The following STRN3 variants were observed in gnomAD, a reference collection of about 807,000 sequenced individuals.
STRN3 encodes the protein striatin-3.
A neutral mutation model predicts 95.6 loss-of-function variants in STRN3; 29 were observed. The ratio of observed to expected loss-of-function variants is 0.30; its 90% CI spans 0.23 to 0.41. The LOEUF (loss-of-function observed/expected upper bound fraction) is 0.41. STRN3 is among the 10% of genes least tolerant of loss of function. The pLI is 1.00. For synonymous variants in STRN3, 331 were observed against 357.6 expected (o/e 0.93, Z 0.84); for missense variants, 890 against 972.1 (o/e 0.92, Z 1.12).
At chr14:30,987,582 T>G (rs146176172) in intron 1 of STRN3, among the ~76,000 whole-genome samples, 1 of 152,032 alleles carries the variant, frequency 6.6e-6, no homozygotes, top group Admixed American at 6.6e-5. Context: ...AACCAGGCCA[T>G]GTAGGACCTT....
At chr14:30,947,536 AT>A (rs922933936) in intron 4 of STRN3, among the ~76,000 whole-genome samples, 8 of 152,042 alleles carry the variant, frequency 5.3e-5, no homozygotes, top group African/African-American at 1.9e-4. Context: ...TGCTTTTAGG[AT>A]TATATACACA....
At chr14:30,971,464 T>C (rs1880822377) in intron 1 of STRN3, among the ~76,000 whole-genome samples, 1 of 152,178 alleles carries the variant, frequency 6.6e-6, no homozygotes, top group East Asian at 1.9e-4. Flanking sequence ...GACAAAAATG[T>C]AGATTGGATA....
intron 1 of STRN3, among the ~76,000 whole-genome samples, chr14:31,014,193 G>GT (rs1240843752): frequency 6.6e-6 from 1 of 151,560 alleles, no homozygotes; most frequent in Non-Finnish European, 1.5e-5. Flanking sequence ...GAAGGAGCCT[G>GT]TAAGTGTCCT....
At chr14:31,022,382 CAA>C (rs34715212) in intron 1 of STRN3, among the ~76,000 whole-genome samples, 178 of 130,346 alleles carry the variant, frequency 1.4e-3, no homozygotes, top group Non-Finnish European at 1.3e-3. Context: ...GACTCCATCT[CAA>C]AAAAAAAAAA....
At chr14:30,918,326 G>A (rs1177754441) in intron 9 of STRN3, among the ~76,000 whole-genome samples, 3 of 152,046 alleles carry the variant, frequency 2.0e-5, no homozygotes, top group Non-Finnish European at 4.4e-5. Flanking sequence ...GGCCAACATG[G>A]TAATATTCTG....
rs578090865 is a variant in STRN3, at chr14:30,954,767, G to A, written c.460+853C>T. Reference sequence around the variant, plus strand: ...CAAACTGTTATACTGGGACCACCTAGCCAATTCTGACTCTCCTTAGCCTCT... The same window carrying A: ...CAAACTGTTATACTGGGACCACCTAACCAATTCTGACTCTCCTTAGCCTCT... On this transcript the variant is annotated intron_variant, in intron 3 of 17. Transcript: ENST00000357479. 3.9e-5 allele frequency among the ~76,000 whole-genome samples: 6 copies of A among 152,182 alleles called. No homozygotes were observed. The South Asian group carries it at 6.2e-4, about 16-fold the overall frequency.
chr14:30,963,980 G>A (rs1265691664), intron 1 of STRN3, among the ~76,000 whole-genome samples: 2 of 152,266 alleles, frequency 1.3e-5, no homozygotes, highest in South Asian at 2.1e-4. Flanking sequence ...AGCCAGGTGC[G>A]ATGGCTCATG....
chr14:30,977,794 G>GGAAAAAAAA (rs1566470814), intron 1 of STRN3, among the ~76,000 whole-genome samples: 1 of 109,926 alleles, frequency 9.1e-6, no homozygotes, highest in African/African-American at 3.8e-5. Context: ...ACTCTATCTC[G>GGAAAAAAAA]AAAAAAAAAA....
At chr14:30,933,464 A>G (rs1363281837) in intron 7 of STRN3, among the ~76,000 whole-genome samples, 1 of 151,894 alleles carries the variant, frequency 6.6e-6, no homozygotes, top group Non-Finnish European at 1.5e-5. Flanking sequence ...ACATATTTGT[A>G]TTACAAAATA....
At chr14:30,935,469 T>C (rs939354260) in intron 6 of STRN3, among the ~76,000 whole-genome samples, 165 bp from the exon 7 acceptor site, 1 of 152,216 alleles carries the variant, frequency 6.6e-6, no homozygotes, top group East Asian at 1.9e-4. Flanking sequence ...TTCAGATAAA[T>C]GGTTCAACAG....
chr14:30,936,715 C>A, intron 5 of STRN3, 91 bp from the exon 6 acceptor site: 1 of 1,462,388 alleles, frequency 6.8e-7, no homozygotes, highest in African/African-American at 1.4e-5. Flanking sequence ...ATTCTTAAAA[C>A]TAGAGAGATT....
chr14:30,961,484 A>G (rs1198965744), intron 1 of STRN3, among the ~76,000 whole-genome samples: 2 of 152,206 alleles, frequency 1.3e-5, no homozygotes, highest in African/African-American at 4.8e-5. Flanking sequence ...CTATTGTAAC[A>G]TTGTAGTGGG....
At chr14:31,011,906 C>A (rs1261819308) in intron 1 of STRN3, among the ~76,000 whole-genome samples, 1 of 152,030 alleles carries the variant, frequency 6.6e-6, no homozygotes, top group African/African-American at 2.4e-5. Flanking sequence ...ATGGTGAAAC[C>A]CTGTCTCTAC....
At chr14:30,965,316 A>G (rs1880428976) in intron 1 of STRN3, among the ~76,000 whole-genome samples, 1 of 152,160 alleles carries the variant, frequency 6.6e-6, no homozygotes, top group African/African-American at 2.4e-5. Context: ...AGAATCCCAC[A>G]TGCTTTGGAT....
chr14:31,025,946 C>G lies in STRN3; in HGVS notation c.240G>C (p.Glu80Asp). The change falls in exon 1 of 18, where the codon GAG becomes GAC. Residue 80 changes from glutamate (E) to aspartate (D), a missense_variant. Around this residue, in one of 3 missense-constraint regions of STRN3, gnomAD observed 526 missense variants for 526.3 expected, o/e 1.00. Coordinates refer to ENST00000357479, the MANE Select transcript of STRN3 (RefSeq NM_001083893.2). ...CCACCTCCCAGTGCGCCCGCTCCAT[C>G]TCGAACCGAGCCCACTCGTGCTGGA... ...HYIQHEWARF[E>D]MERAHWEVER... The G allele has an allele frequency of 6.3e-7, 1 of 1,598,460 alleles. No homozygotes were observed. The highest frequency in any genetic ancestry group is 8.5e-7 in the Non-Finnish European group (1 of 1,173,004).
chr14:31,017,405 AG>A (rs1883290842), intron 1 of STRN3, among the ~76,000 whole-genome samples: 3 of 19,566 alleles, frequency 1.5e-4, no homozygotes, highest in Admixed American at 1.3e-3. Context: ...AGGCTGAGGC[AG>A]GAGAATGGCG....
chr14:30,921,797 A>G (rs1219116120), intron 8 of STRN3, among the ~76,000 whole-genome samples: 3 of 152,238 alleles, frequency 2.0e-5, no homozygotes, highest in Non-Finnish European at 4.4e-5. Flanking sequence ...CTAATTAAAT[A>G]AAAACTGAAA....
At chr14:31,009,142 A>G (rs886119087) in intron 1 of STRN3, among the ~76,000 whole-genome samples, 2 of 152,158 alleles carry the variant, frequency 1.3e-5, no homozygotes, top group Non-Finnish European at 2.9e-5. Flanking sequence ...TTAACTTAGT[A>G]TGAGTTTCTT....
At chr14:31,004,531 T>C (rs956430766) in intron 1 of STRN3, among the ~76,000 whole-genome samples, 1 of 152,116 alleles carries the variant, frequency 6.6e-6, no homozygotes, top group Non-Finnish European at 1.5e-5. Flanking sequence ...CCCAGCACTT[T>C]GGGAGGCCGA....
Sources: gnomAD v4.1 joint callset for allele counts (sites outside exome capture counted in the v4.1 genomes callset) on GRCh38, gnomAD v4.1.1 for gene constraint, gnomAD v4.1.1 regional missense constraint, MANE v1.5 for transcripts, NCBI Gene and HGNC (gene_info 2026-07-23, HGNC 2026-07-21) for gene names.